DDAH1: variants seen among roughly 807,000 people sequenced by gnomAD.
The protein encoded by DDAH1 is N(G),N(G)-dimethylarginine dimethylaminohydrolase 1.
DDAH1 carries 19 observed loss-of-function variants against 28.8 expected under a neutral mutation model. The observed-to-expected ratio is 0.66, with a 90% CI of 0.46 to 0.97. The LOEUF (loss-of-function observed/expected upper bound fraction) is 0.97, where lower values mean the gene tolerates loss of function less well. Among genes scored for constraint, DDAH1 ranks in the 50% least tolerant of loss-of-function variants. The probability of loss-of-function intolerance (pLI) is 0.00; values close to 1 mark genes in which losing one functional copy is unlikely to be tolerated. For synonymous variants in DDAH1, 153 were observed against 154.4 expected (o/e 0.99, Z 0.07); for missense variants, 326 against 375.9 (o/e 0.87, Z 1.10).
chr1:85,501,010 G>A (rs1371718892), intron 1 of DDAH1, among the ~76,000 whole-genome samples: 1 of 151,854 alleles, frequency 6.6e-6, no homozygotes, highest in East Asian at 1.9e-4. Context: ...ATTTATAAGA[G>A]TTGTTTTAAA....
intron 1 of DDAH1, among the ~76,000 whole-genome samples, chr1:85,505,954 C>T (rs968284292): frequency 1.3e-5 from 2 of 152,166 alleles, no homozygotes; most frequent in African/African-American, 4.8e-5. Flanking sequence ...TGCAACTTAA[C>T]CAACAGATGT....
intron 4 of DDAH1, among the ~76,000 whole-genome samples, chr1:85,340,218 G>GA (rs1648390460): frequency 6.6e-6 from 1 of 152,144 alleles, no homozygotes; most frequent in Non-Finnish European, 1.5e-5. Context: ...TTAGGCATCG[G>GA]ATGCCTACCA....
At chr1:85,391,866 A>C (rs1012223419) in intron 1 of DDAH1, among the ~76,000 whole-genome samples, 10 of 152,240 alleles carry the variant, frequency 6.6e-5, no homozygotes, top group Admixed American at 5.9e-4. Flanking sequence ...AAAACATTAT[A>C]AACAGGCTGT....
At chr1:85,345,790 G>A (rs1648807057) in intron 4 of DDAH1, among the ~76,000 whole-genome samples, 1 of 152,168 alleles carries the variant, frequency 6.6e-6, no homozygotes, top group South Asian at 2.1e-4. Context: ...TCTTGAAAGT[G>A]GGAGGCAGAG....
intron 2 of DDAH1, among the ~76,000 whole-genome samples, chr1:85,474,098 C>A (rs1327446998): frequency 6.6e-6 from 1 of 152,176 alleles, no homozygotes; most frequent in Non-Finnish European, 1.5e-5. Context: ...TGAGTGTTAT[C>A]CTTTGGCTCA....
chr1:85,380,097 T>C (rs772442839), intron 1 of DDAH1, among the ~76,000 whole-genome samples: 3 of 152,242 alleles, frequency 2.0e-5, no homozygotes, highest in Non-Finnish European at 4.4e-5. Context: ...GTTTTCTTTT[T>C]CTTTCTCAAT....
intron 2 of DDAH1, among the ~76,000 whole-genome samples, chr1:85,482,727 C>T (rs551243373): frequency 6.6e-6 from 1 of 152,202 alleles, no homozygotes; most frequent in Non-Finnish European, 1.5e-5. Flanking sequence ...TGTGCACTCA[C>T]AAAGGCAGAA....
At chr1:85,569,953 A>G (rs538530623) in intron 1 of DDAH1, among the ~76,000 whole-genome samples, 226 of 152,224 alleles carry the variant, frequency 1.5e-3, no homozygotes, top group Non-Finnish European at 2.9e-3. Context: ...GACTTTCTCT[A>G]TTCACCACAG....
chr1:85,493,605 T>A (rs1462570534), intron 2 of DDAH1: 1 of 152,224 alleles, frequency 6.6e-6, no homozygotes, highest in African/African-American at 2.4e-5. Context: ...ATTTTCTTTT[T>A]AAAATTCTGA....
chr1:85,363,608 T>C (rs1649901919), intron 1 of DDAH1, among the ~76,000 whole-genome samples: 2 of 152,226 alleles, frequency 1.3e-5, no homozygotes, highest in South Asian at 2.1e-4. Context: ...GTGTGACATG[T>C]AGATAATGCT....
intron 1 of DDAH1, among the ~76,000 whole-genome samples, chr1:85,527,986 G>C (rs1657931497): frequency 6.6e-6 from 1 of 152,000 alleles, no homozygotes; most frequent in African/African-American, 2.4e-5. Context: ...ATTTGTTAAA[G>C]CTGAAGGCAT....
At chr1:85,487,363 A>G (rs17127806) in intron 2 of DDAH1, among the ~76,000 whole-genome samples, 37,166 of 152,172 alleles carry the variant, frequency 0.24, 4,901 homozygotes, top group East Asian at 0.45. Context: ...AATTGCCTAC[A>G]CTGTCATGGG....
At chr1:85,535,114 A>G (rs1229685397) in intron 1 of DDAH1, among the ~76,000 whole-genome samples, 1 of 152,216 alleles carries the variant, frequency 6.6e-6, no homozygotes, top group African/African-American at 2.4e-5. Flanking sequence ...AGGATATTTT[A>G]AAAATTAGTG....
chr1:85,337,290 A>C (rs1420344138), intron 4 of DDAH1, among the ~76,000 whole-genome samples: 3 of 152,152 alleles, frequency 2.0e-5, no homozygotes, highest in African/African-American at 7.2e-5. Context: ...TCTTCTAAAA[A>C]CATGTTTTTA....
rs1557582126 is a variant in DDAH1, at chr1:85,400,181, T to TC, written c.304-41335_304-41334insG. On this transcript the variant is annotated intron_variant, in intron 1 of 5. Transcript: ENST00000284031. The stretch of plus-strand genomic sequence containing the variant: ...GGAATTCCTTTCTTTTCTTTTCTTT[T>TC]TTTTTTTTTTTTTTTTTTTTTTTTT... 4.0e-4 allele frequency among the ~76,000 whole-genome samples: 10 copies of TC among 24,886 alleles called. No individual in the cohort carries two copies. The East Asian group carries it at 4.5e-3, about 11-fold the overall frequency. 16.3% of individuals were successfully genotyped at this position (24,886 alleles called of 152,430 possible). A position where few individuals can be genotyped will look rare whatever the true frequency, so the allele number is the denominator to read the frequency against.
chr1:85,404,457 C>T, intron 1 of DDAH1: 1 of 1,530,250 alleles, frequency 6.5e-7, no homozygotes, highest in African/African-American at 1.4e-5. Flanking sequence ...TCAACAGATT[C>T]CCTGTTTTAA....
chr1:85,499,470 C>T (rs892072834), intron 1 of DDAH1, among the ~76,000 whole-genome samples: 1 of 152,048 alleles, frequency 6.6e-6, no homozygotes, highest in African/African-American at 2.4e-5. Flanking sequence ...GTCAGGAGTT[C>T]GAGACCAGCC....
intron 1 of DDAH1, among the ~76,000 whole-genome samples, chr1:85,385,614 T>C (rs1651215936): frequency 1.3e-5 from 2 of 152,182 alleles, no homozygotes; most frequent in Non-Finnish European, 1.5e-5. Context: ...GAAGATGGTA[T>C]AGGAGAGCAG....
chr1:85,573,163 G>T (rs1190776301), intron 1 of DDAH1, among the ~76,000 whole-genome samples: 2 of 152,170 alleles, frequency 1.3e-5, no homozygotes, highest in Non-Finnish European at 2.9e-5. Context: ...AAGTCCAACT[G>T]CTTGAATACT....
Sources: allele counts gnomAD v4.1 joint callset (sites outside exome capture counted in the v4.1 genomes callset), GRCh38; gene constraint gnomAD v4.1.1; transcripts MANE v1.5; gene names NCBI Gene and HGNC (gene_info 2026-07-23, HGNC 2026-07-21).